Variants in PDE3B observed in about 807,000 individuals in gnomAD.
PDE3B encodes phosphodiesterase 3B.
PDE3B carries 66 observed loss-of-function variants against 116.8 expected under a neutral mutation model. The observed-to-expected ratio is 0.56, with a 90% confidence interval of 0.46 to 0.69. The LOEUF (loss-of-function observed/expected upper bound fraction) is 0.69, where lower values mean the gene tolerates loss of function less well. Among genes scored for constraint, PDE3B ranks in the 30% least tolerant of loss-of-function variants. PDE3B has a pLI of 0.00. For missense variants in PDE3B, 1,384 were observed against 1,368.1 expected (o/e 1.01, Z -0.18); for synonymous variants, 595 against 533.6 (o/e 1.12, Z -1.59).
intron 1 of PDE3B, among the ~76,000 whole-genome samples, chr11:14,727,823 A>G (rs767497645): frequency 1.3e-5 from 2 of 151,014 alleles, no homozygotes; most frequent in Non-Finnish European, 1.5e-5. Flanking sequence ...TATAACAATA[A>G]TAAGCACTAT....
intron 2 of PDE3B, among the ~76,000 whole-genome samples, chr11:14,785,224 G>A (rs557823519): frequency 7.9e-4 from 120 of 152,230 alleles, no homozygotes; most frequent in African/African-American, 2.8e-3. Context: ...GGGAAGCTGT[G>A]TATAGGAAAT....
chr11:14,874,098 T>C (rs1372628439), downstream of PDE3B, among the ~76,000 whole-genome samples: 5 of 152,222 alleles, frequency 3.3e-5, no homozygotes, highest in East Asian at 9.6e-4. Flanking sequence ...GTATTGTAAC[T>C]ATTATAAAGT....
downstream of PDE3B, among the ~76,000 whole-genome samples, chr11:14,872,958 T>A (rs1848158183): frequency 6.6e-6 from 1 of 152,182 alleles, no homozygotes; most frequent in African/African-American, 2.4e-5. Flanking sequence ...TTAAAACTAT[T>A]GTTTTGGACT....
intron 1 of PDE3B, among the ~76,000 whole-genome samples, chr11:14,675,792 G>A (rs1854515593): frequency 6.6e-6 from 1 of 152,042 alleles, no homozygotes; most frequent in African/African-American, 2.4e-5. Flanking sequence ...ACATTCTTAT[G>A]TTGATGAATA....
Position 14,869,746 on chromosome 11 carries a change from GCTGA to G in PDE3B, c.*89_*92del. On this transcript the variant is annotated 3_prime_UTR_variant, in exon 16 of 16. Coordinates refer to ENST00000282096, the MANE Select transcript of PDE3B (RefSeq NM_000922.4). ...AGAAATCATTGCCTAGTGTTCACCG[GCTGA>G]CTCTCAACTGACCATTCCCATGTGG... 9.1e-7 allele frequency: 1 copy of G among 1,096,988 alleles called. No individual in the cohort carries two copies. Among genetic ancestry groups the G allele is most frequent in the Non-Finnish European group, 1.3e-6 (1 of 747,414 alleles). The allele number at this position is 1,096,988 out of a possible 1,614,324, so 68.0% of individuals were successfully genotyped here. A position where few individuals can be genotyped will look rare whatever the true frequency, so the allele number is the denominator to read the frequency against.
At chr11:14,886,840 TAGC>T in the PDE3B span, 1 of 152,278 alleles carries the variant, frequency 6.6e-6, no homozygotes, top group East Asian at 1.9e-4. Flanking sequence ...ACAGGAGGCT[TAGC>T]AGAGAACAAA....
At chr11:14,820,710 T>A (rs1219394092) in intron 7 of PDE3B, among the ~76,000 whole-genome samples, 2 of 152,048 alleles carry the variant, frequency 1.3e-5, no homozygotes, top group Non-Finnish European at 2.9e-5. Flanking sequence ...ATGGGATTAG[T>A]TCCCTTATAA....
At chr11:14,778,003 A>G (rs1857842389) in intron 2 of PDE3B, among the ~76,000 whole-genome samples, 1 of 152,216 alleles carries the variant, frequency 6.6e-6, no homozygotes, top group Non-Finnish European at 1.5e-5. Context: ...AGCAAACGGC[A>G]CACCAGGAGA....
chr11:14,806,980 A>G (rs552477068), intron 5 of PDE3B, among the ~76,000 whole-genome samples: 1 of 152,290 alleles, frequency 6.6e-6, no homozygotes, highest in South Asian at 2.1e-4. Flanking sequence ...TGAAGCTGGA[A>G]ACCATCATTA....
chr11:14,686,863 G>A (rs563581712), intron 1 of PDE3B, among the ~76,000 whole-genome samples: 15 of 151,998 alleles, frequency 9.9e-5, no homozygotes, highest in South Asian at 4.2e-4. Context: ...ACAGGCGCCC[G>A]CCACCATGGC....
chr11:14,778,007 C>G (rs571026284), intron 2 of PDE3B, among the ~76,000 whole-genome samples: 1 of 152,340 alleles, frequency 6.6e-6, no homozygotes, highest in South Asian at 2.1e-4. Context: ...AACGGCACAC[C>G]AGGAGATTAT....
chr11:14,712,523 G>A (rs1855739454), intron 1 of PDE3B, among the ~76,000 whole-genome samples: 1 of 121,610 alleles, frequency 8.2e-6, no homozygotes, highest in African/African-American at 3.1e-5. Context: ...TGCCTGTGCT[G>A]GAGTGCAGTG....
intron 1 of PDE3B, among the ~76,000 whole-genome samples, chr11:14,758,148 T>G (rs1179097311): frequency 6.6e-6 from 1 of 152,096 alleles, no homozygotes; most frequent in Non-Finnish European, 1.5e-5. Context: ...ACTCTGTTCT[T>G]TTCCATTGAT....
At chr11:14,741,716 G>A (rs1225660652) in intron 1 of PDE3B, among the ~76,000 whole-genome samples, 3 of 152,148 alleles carry the variant, frequency 2.0e-5, no homozygotes, top group Non-Finnish European at 4.4e-5. Flanking sequence ...TGTTTTTGCA[G>A]TGGCTGGTAC....
At chr11:14,842,987 C>A (rs1030631063) in intron 11 of PDE3B, among the ~76,000 whole-genome samples, 1 of 152,170 alleles carries the variant, frequency 6.6e-6, no homozygotes, top group Non-Finnish European at 1.5e-5. Flanking sequence ...CCAATGAATA[C>A]AACCAAGGAA....
chr11:14,700,537 C>A (rs565021922), intron 1 of PDE3B: 71 of 151,748 alleles, frequency 4.7e-4, no homozygotes, highest in African/African-American at 1.7e-3. Context: ...AAAAGGCATG[C>A]CAGTTTCCCC....
intron 1 of PDE3B, among the ~76,000 whole-genome samples, chr11:14,736,926 A>C (rs1031612957): frequency 4.6e-5 from 7 of 152,150 alleles, no homozygotes; most frequent in African/African-American, 1.7e-4. Context: ...GGTCATTAGG[A>C]GTTAGTATGG....
At chr11:14,842,151 C>T (rs1174465421) in intron 11 of PDE3B, among the ~76,000 whole-genome samples, 1 of 151,986 alleles carries the variant, frequency 6.6e-6, no homozygotes, top group Non-Finnish European at 1.5e-5. Flanking sequence ...GATAGTTTTG[C>T]ATCTTCATTT....
chr11:14,671,684 T>C (rs757300392), intron 1 of PDE3B, among the ~76,000 whole-genome samples: 1 of 152,094 alleles, frequency 6.6e-6, no homozygotes, highest in Non-Finnish European at 1.5e-5. Context: ...ACTTGGACTA[T>C]CTCAGATGAC....
Sources: allele counts gnomAD v4.1 joint callset (sites outside exome capture counted in the v4.1 genomes callset), GRCh38; gene constraint gnomAD v4.1.1; transcripts MANE v1.5; gene names NCBI Gene and HGNC (gene_info 2026-07-23, HGNC 2026-07-21).